The following SGCD variants were observed in gnomAD, a reference collection of about 807,000 sequenced individuals.
SGCD encodes the protein sarcoglycan delta, also known as delta-sarcoglycan.
In SGCD, 18 loss-of-function variants were observed where a neutral mutation model predicts 36.6. That is an observed-to-expected ratio of 0.49 (90% CI 0.34 to 0.73). The LOEUF (loss-of-function observed/expected upper bound fraction) is 0.73, where lower values mean the gene tolerates loss of function less well. SGCD is among the 30% of genes least tolerant of loss of function. SGCD has a pLI of 0.01. For missense variants in SGCD, 387 were observed against 346.7 expected, an observed-to-expected ratio of 1.12 and a Z score of -0.92; for synonymous variants, 133 against 130.6, an observed-to-expected ratio of 1.02 and a Z score of -0.12.
At chr5:155,880,596 A>T (rs1439790208) in intron 1 of SGCD, among the ~76,000 whole-genome samples, 1 of 152,154 alleles carries the variant, frequency 6.6e-6, no homozygotes, top group African/African-American at 2.4e-5. Flanking sequence ...CAAACATAAT[A>T]TTACCATGTA....
intron 3 of SGCD, among the ~76,000 whole-genome samples, chr5:156,384,858 C>G (rs575406818): frequency 1.3e-5 from 2 of 152,242 alleles, no homozygotes; most frequent in East Asian, 1.9e-4. Context: ...AAAGAAGGAG[C>G]CTGGGGCTTG....
At chr5:156,374,385 CT>C (rs1031315626) in intron 3 of SGCD, among the ~76,000 whole-genome samples, 4 of 152,084 alleles carry the variant, frequency 2.6e-5, no homozygotes, top group African/African-American at 9.7e-5. Flanking sequence ...CAAAAGTAAT[CT>C]GTGGAGTCAT....
intron 3 of SGCD, among the ~76,000 whole-genome samples, chr5:156,297,549 A>T (rs1292858207): frequency 6.7e-6 from 1 of 149,274 alleles, no homozygotes; most frequent in African/African-American, 2.5e-5. Flanking sequence ...CAAAAAACCA[A>T]ACACCACATA....
intron 3 of SGCD, among the ~76,000 whole-genome samples, chr5:156,262,767 AC>A (rs1765899828): frequency 6.6e-6 from 1 of 152,080 alleles, no homozygotes; most frequent in African/African-American, 2.4e-5. Context: ...GCTTCCACTT[AC>A]GAGTGAGAAC....
the SGCD span, among the ~76,000 whole-genome samples, chr5:155,811,116 C>G: frequency 6.6e-6 from 1 of 152,068 alleles, no homozygotes; most frequent in Non-Finnish European, 1.5e-5. Context: ...CGCGCCCGGC[C>G]TAGTGTCTGC....
the SGCD span, among the ~76,000 whole-genome samples, chr5:155,736,393 T>G: frequency 2.9e-3 from 438 of 152,262 alleles, 3 homozygotes; most frequent in African/African-American, 7.2e-3. Context: ...GCTGAGATTA[T>G]TGGTGTTATT....
At chr5:156,345,754 A>G (rs1418735906) in intron 3 of SGCD, among the ~76,000 whole-genome samples, 1 of 152,212 alleles carries the variant, frequency 6.6e-6, no homozygotes, top group Non-Finnish European at 1.5e-5. Flanking sequence ...TTGATAAATA[A>G]ACATGACCTT....
At chr5:156,615,962 C>T (rs191496365) in intron 6 of SGCD, among the ~76,000 whole-genome samples, 190 of 152,254 alleles carry the variant, frequency 1.2e-3, no homozygotes, top group Admixed American at 2.5e-3. Context: ...ATGTGTTTAT[C>T]ATTCGGGTCT....
At chr5:156,531,211 A>G (rs1393944957) in intron 4 of SGCD, among the ~76,000 whole-genome samples, 1 of 152,188 alleles carries the variant, frequency 6.6e-6, no homozygotes, top group East Asian at 1.9e-4. Flanking sequence ...GGATGCAGCA[A>G]CAAGGCAACA....
chr5:156,497,232 A>G (rs921576680), intron 3 of SGCD, among the ~76,000 whole-genome samples: 7 of 151,354 alleles, frequency 4.6e-5, no homozygotes, highest in Admixed American at 6.6e-5. Flanking sequence ...TTATTGAGGA[A>G]AGATGGTTTC....
At position 156,548,883 on chromosome 5, in the gene SGCD, C is replaced by T. The variant is rs77913203; in HGVS notation, c.294+40181C>T. 2.2e-3 allele frequency among the ~76,000 whole-genome samples: 330 copies of T among 152,246 alleles called. 1 individual carries two copies. The highest frequency in any genetic ancestry group is 0.01 in the Middle Eastern group (3 of 294). On this transcript the variant is annotated intron_variant, in intron 4 of 8. Coordinates refer to ENST00000337851, the MANE Select transcript of SGCD (RefSeq NM_000337.6). ...GGGAAGAGATGACTGCACAGAGCAT[C>T]CTTGAGAACATTAAATAATGTTCTA... is the stretch of plus-strand genomic sequence containing the variant.
intron 3 of SGCD, among the ~76,000 whole-genome samples, chr5:156,317,687 A>G (rs1474695583): frequency 6.6e-6 from 1 of 152,226 alleles, no homozygotes; most frequent in Non-Finnish European, 1.5e-5. Context: ...TTTTGCTCTT[A>G]AAAAGCAGAA....
chr5:155,750,826 A>G, the SGCD span, among the ~76,000 whole-genome samples: 1 of 152,078 alleles, frequency 6.6e-6, no homozygotes, highest in Non-Finnish European at 1.5e-5. Flanking sequence ...AATTCATCCC[A>G]GTTGTCATTT....
At chr5:156,581,991 C>T (rs1760281130) in intron 4 of SGCD, among the ~76,000 whole-genome samples, 1 of 152,178 alleles carries the variant, frequency 6.6e-6, no homozygotes, top group South Asian at 2.1e-4. Context: ...CAGAAATCAC[C>T]CTCTTCTGCA....
At chr5:156,175,445 A>G (rs1763443463) in intron 3 of SGCD, among the ~76,000 whole-genome samples, 1 of 152,162 alleles carries the variant, frequency 6.6e-6, no homozygotes, top group African/African-American at 2.4e-5. Context: ...AACATTTACC[A>G]AATCACCAAC....
intron 3 of SGCD, among the ~76,000 whole-genome samples, chr5:156,449,676 A>C (rs10055611): frequency 4.4e-5 from 6 of 134,954 alleles, no homozygotes; most frequent in Admixed American, 4.4e-4. Context: ...TACTAAAAAT[A>C]CAAAAAAAAA....
chr5:156,253,057 A>C (rs1461823563), intron 3 of SGCD, among the ~76,000 whole-genome samples: 1 of 152,186 alleles, frequency 6.6e-6, no homozygotes, highest in Non-Finnish European at 1.5e-5. Flanking sequence ...CCATACAACT[A>C]CTTTAATTTT....
At chr5:156,444,065 T>TCTCTCTCTCTCTCTCTCC (rs1753627597) in intron 3 of SGCD, among the ~76,000 whole-genome samples, 1 of 12,382 alleles carries the variant, frequency 8.1e-5, no homozygotes, top group Non-Finnish European at 1.7e-4. Context: ...TTTCTCTCCT[T>TCTCTCTCTCTCTCTCTCC]CTCTCTCTCT....
chr5:155,805,466 A>AG, the SGCD span, among the ~76,000 whole-genome samples: 1 of 152,224 alleles, frequency 6.6e-6, no homozygotes, highest in Non-Finnish European at 1.5e-5. Context: ...ATTTCAGGCT[A>AG]GATAATATGT....
Sources: gnomAD v4.1 joint callset for allele counts (sites outside exome capture counted in the v4.1 genomes callset) on GRCh38, gnomAD v4.1.1 for gene constraint, MANE v1.5 for transcripts, NCBI Gene and HGNC (gene_info 2026-07-23, HGNC 2026-07-21) for gene names.